OSBP2: variants seen among roughly 807,000 people sequenced by gnomAD.
The protein encoded by OSBP2 is oxysterol binding protein 2.
In OSBP2, 66 loss-of-function variants were observed where a neutral mutation model predicts 96.0. The ratio of observed to expected loss-of-function variants is 0.69; its 90% CI spans 0.56 to 0.84. The LOEUF (loss-of-function observed/expected upper bound fraction) is 0.84, where lower values mean the gene tolerates loss of function less well. Ranked by LOEUF, OSBP2 falls within the 40% of genes least tolerant of loss-of-function variation. OSBP2 has a pLI of 0.00. For missense variants in OSBP2, 1,038 were observed against 1,222.7 expected (o/e 0.85, Z 2.25); for synonymous variants, 525 against 520.9 (o/e 1.01, Z -0.11).
At chr22:30,861,009 T>C (rs1569154380) in intron 2 of OSBP2, among the ~76,000 whole-genome samples, 1 of 152,220 alleles carries the variant, frequency 6.6e-6, no homozygotes, top group Non-Finnish European at 1.5e-5. Flanking sequence ...GCTTGTCTCA[T>C]GTGCCTCTAT....
rs1477785470 is a variant in OSBP2, at chr22:30,870,384, C to T, written c.854-45C>T. On this transcript the variant is annotated intron_variant, in intron 2 of 13. Transcript: ENST00000332585. This position sits in a 1 kb window ranked among gnomAD's most constrained non-coding sequence, Gnocchi z 4.1. The stretch of plus-strand genomic sequence containing the variant: ...CCTGGCTGTGCAGGCCTCTTGGTAC[C>T]ACGTCTGTTCGTAATGACCGTAACA... 6.2e-6 allele frequency: 10 copies of T among 1,603,814 alleles called. No individual in the cohort carries two copies. Among genetic ancestry groups the T allele is most frequent in the African/African-American group, 2.7e-5 (2 of 74,830 alleles).
Position 30,695,525 on chromosome 22 carries a change from C to G in OSBP2, c.616C>G (p.Leu206Val). Residue 206 changes from leucine to valine, a missense_variant, in exon 1 of 14, where the codon CTG becomes GTG. By Grantham distance (32) the Leu-to-Val change is conservative. This residue lies in a region of OSBP2 where 281 missense variants were observed against 273.4 expected (regional missense o/e 1.03). Coordinates refer to ENST00000332585, the MANE Select transcript of OSBP2 (RefSeq NM_030758.4). ...LKGYQRRWFV[L>V]GNGLLSYYRN... ...GGGCTACCAGCGCCGCTGGTTCGTG[C>G]TGGGCAATGGTTTGCTCTCTTACTA... 1.2e-6 allele frequency: 2 copies of G among 1,611,134 alleles called. No homozygotes were observed. The highest frequency in any genetic ancestry group is 2.2e-5 in the East Asian group (1 of 44,876).
chr22:30,905,378 G>A (rs1361335011), intron 12 of OSBP2, among the ~76,000 whole-genome samples: 3 of 151,620 alleles, frequency 2.0e-5, no homozygotes, highest in Non-Finnish European at 2.9e-5. Context: ...TCCTGACCTC[G>A]TGATCCACCG....
At chr22:30,829,232 C>G (rs1302213687) in intron 2 of OSBP2, among the ~76,000 whole-genome samples, 1 of 152,158 alleles carries the variant, frequency 6.6e-6, no homozygotes, top group East Asian at 1.9e-4. Context: ...CACTTGGCAC[C>G]TCGCGTGGAT....
intron 2 of OSBP2, among the ~76,000 whole-genome samples, chr22:30,777,396 G>A (rs1038567393): frequency 5.7e-4 from 87 of 152,210 alleles, no homozygotes; most frequent in African/African-American, 2.0e-3. Context: ...TTAAAAAGGG[G>A]TGTTTCCCTG....
intron 12 of OSBP2, chr22:30,902,436 G>A: frequency 6.3e-7 from 1 of 1,585,390 alleles, no homozygotes; most frequent in Middle Eastern, 2.1e-4. Flanking sequence ...CACTTCATGT[G>A]GACATTGCAG....
intron 2 of OSBP2, among the ~76,000 whole-genome samples, chr22:30,784,135 A>C (rs564653442): frequency 2.6e-5 from 4 of 152,248 alleles, no homozygotes; most frequent in Non-Finnish European, 4.4e-5. Context: ...TCTTAGCACT[A>C]GAATGGCATC....
chr22:30,761,736 A>T (rs1315240378), intron 2 of OSBP2, among the ~76,000 whole-genome samples: 2 of 152,356 alleles, frequency 1.3e-5, no homozygotes, highest in East Asian at 1.9e-4. Flanking sequence ...GATTAATGAG[A>T]TAGACATATA....
At chr22:30,780,394 G>A (rs1048894737) in intron 2 of OSBP2, among the ~76,000 whole-genome samples, 1 of 152,194 alleles carries the variant, frequency 6.6e-6, no homozygotes, top group South Asian at 2.1e-4. Flanking sequence ...TAAAGAACCC[G>A]ACACGCATGA....
chr22:30,823,178 G>C (rs1312994967), intron 2 of OSBP2, among the ~76,000 whole-genome samples: 1 of 152,090 alleles, frequency 6.6e-6, no homozygotes, highest in Non-Finnish European at 1.5e-5. Context: ...CCGAGTGGCC[G>C]CCTGGGTTTG....
intron 2 of OSBP2, among the ~76,000 whole-genome samples, chr22:30,760,054 G>A (rs1484257926): frequency 6.6e-6 from 1 of 151,740 alleles, no homozygotes; most frequent in Non-Finnish European, 1.5e-5. Flanking sequence ...TTTTAGTAGA[G>A]ACAGGGTTTC....
At chr22:30,863,081 G>A (rs550973320) in intron 2 of OSBP2, among the ~76,000 whole-genome samples, 1 of 152,126 alleles carries the variant, frequency 6.6e-6, no homozygotes, top group Non-Finnish European at 1.5e-5. Context: ...AGAATACCAT[G>A]TAACATGTGG....
intron 2 of OSBP2, among the ~76,000 whole-genome samples, chr22:30,836,235 A>G (rs557711030): frequency 6.6e-6 from 1 of 152,246 alleles, no homozygotes; most frequent in South Asian, 2.1e-4. Context: ...ACAGTTTGAT[A>G]TCTTGTAGTT....
At chr22:30,707,433 G>A (rs1297490307) in intron 1 of OSBP2, among the ~76,000 whole-genome samples, 2 of 151,866 alleles carry the variant, frequency 1.3e-5, no homozygotes, top group Non-Finnish European at 2.9e-5. Flanking sequence ...GTACTTTTTG[G>A]GCCCAGTGCA....
chr22:30,729,798 G>A (rs2089716186), intron 1 of OSBP2, among the ~76,000 whole-genome samples: 1 of 152,070 alleles, frequency 6.6e-6, no homozygotes, highest in Non-Finnish European at 1.5e-5. Context: ...AAGGTCAGGA[G>A]TTTGAGACCA....
Position 30,890,729 on chromosome 22 carries a change from T to C in OSBP2, c.1625T>C (p.Val542Ala). The change falls in exon 8 of 14, where the codon GTG (valine) becomes GCG (alanine). Residue 542 changes from valine to alanine, a missense_variant and splice_region_variant. Val to Ala is a moderately conservative substitution (Grantham distance 64). Transcript: ENST00000332585. The surrounding 1 kb of genome is among the most constrained non-coding windows in gnomAD (Gnocchi z 4.4). ...GRELSRIPMP[V>A]NFNEPLSMLQ... is the part of the protein sequence containing the mutation. ...GACCACCCACCTGTCCACCCACAGG[T>C]GAACTTCAATGAGCCCCTGTCCATG... is the stretch of plus-strand genomic sequence containing the variant. The C allele has an allele frequency of 6.2e-7, 1 of 1,611,616 alleles. No individual in the cohort carries two copies. The highest frequency in any genetic ancestry group is 8.5e-7 in the Non-Finnish European group (1 of 1,179,850).
At chr22:30,741,128 G>C (rs752588446) in intron 1 of OSBP2, 33 bp from the exon 2 acceptor site, 1 of 1,538,406 alleles carries the variant, frequency 6.5e-7, no homozygotes, top group Admixed American at 1.7e-5. Context: ...GAGATTAGGA[G>C]CCTCACCCCA....
intron 1 of OSBP2, among the ~76,000 whole-genome samples, chr22:30,709,915 C>T (rs2089320173): frequency 6.7e-6 from 1 of 149,414 alleles, no homozygotes; most frequent in Non-Finnish European, 1.5e-5. Flanking sequence ...TGGAGTCTTG[C>T]TTTGTCACCC....
intron 1 of OSBP2, among the ~76,000 whole-genome samples, chr22:30,734,224 C>G (rs1431695267): frequency 1.3e-5 from 2 of 152,220 alleles, no homozygotes; most frequent in Non-Finnish European, 2.9e-5. Flanking sequence ...ATCTGCCTGC[C>G]TCAGTGCTGG....
Sources: allele counts gnomAD v4.1 joint callset (sites outside exome capture counted in the v4.1 genomes callset), GRCh38; gene constraint gnomAD v4.1.1; regional missense constraint gnomAD v4.1.1; non-coding constraint Gnocchi (gnomAD v3.1); transcripts MANE v1.5; gene names NCBI Gene and HGNC (gene_info 2026-07-23, HGNC 2026-07-21).